Variants in SIRPB1 observed in about 807,000 individuals in gnomAD.
SIRPB1 encodes the protein signal-regulatory protein beta-1.
A neutral mutation model predicts 34.1 loss-of-function variants in SIRPB1; 28 were observed. That is an observed-to-expected ratio of 0.82 (90% CI 0.61 to 1.12). The LOEUF is 1.12. Among genes scored for constraint, SIRPB1 ranks in the 50% most tolerant of loss-of-function variants. The pLI is 0.00. For synonymous variants in SIRPB1, 211 were observed against 203.8 expected (o/e 1.04, Z -0.30); for missense variants, 499 against 507.0 (o/e 0.98, Z 0.15).
At chr20:1,572,086 A>G in intron 2 of SIRPB1, 49 bp from the exon 3 acceptor site, 5 of 1,612,336 alleles carry the variant, frequency 3.1e-6, no homozygotes, top group Non-Finnish European at 4.2e-6. Flanking sequence ...GATGACCATC[A>G]CTGATGATAA....
intron 1 of SIRPB1, among the ~76,000 whole-genome samples, chr20:1,618,493 G>C (rs1484531263): frequency 2.0e-5 from 3 of 152,216 alleles, no homozygotes; most frequent in Admixed American, 6.5e-5. Flanking sequence ...AGGATTAGTG[G>C]AGCTAAAACA....
intron 4 of SIRPB1, among the ~76,000 whole-genome samples, chr20:1,568,372 A>C (rs1277128441): frequency 6.6e-6 from 1 of 152,118 alleles, no homozygotes; most frequent in East Asian, 1.9e-4. Context: ...TAGACAACCT[A>C]AAATGCATTT....
At chr20:1,615,159 G>C (rs1183724063) in intron 1 of SIRPB1, among the ~76,000 whole-genome samples, 2 of 152,206 alleles carry the variant, frequency 1.3e-5, no homozygotes, top group East Asian at 3.8e-4. Context: ...AGGCCCTCCT[G>C]TTAGTGTCTT....
chr20:1,570,776 C>A (rs1446127151), intron 4 of SIRPB1, 29 bp downstream of exon 4: 1 of 1,533,226 alleles, frequency 6.5e-7, no homozygotes, highest in Non-Finnish European at 8.9e-7. Flanking sequence ...AAGAAAAAGA[C>A]AAAATTTAAA....
At chr20:1,566,073 A>G in intron 5 of SIRPB1, 80 bp downstream of exon 5, 2 of 831,940 alleles carry the variant, frequency 2.4e-6, no homozygotes, top group Non-Finnish European at 3.9e-6. Context: ...CTGAAGCTGC[A>G]TGGCATGTGA....
At chr20:1,570,311 C>G (rs1402386740) in intron 4 of SIRPB1, among the ~76,000 whole-genome samples, 1 of 152,202 alleles carries the variant, frequency 6.6e-6, no homozygotes, top group Non-Finnish European at 1.5e-5. Context: ...GGGGGTCTGT[C>G]CAGGCTTAAA....
chr20:1,578,517 T>C lies in SIRPB1; in HGVS notation c.254A>G (p.His85Arg). The change falls in exon 2 of 6, where the codon CAC becomes CGC. Residue 85 changes from histidine to arginine, a missense_variant. His to Arg is a conservative substitution (Grantham distance 29). Transcript: ENST00000381605. ...RELIYNQKEG[H>R]FPRVTTVSEL... ...TGAAACAGTTGTTACCCGTGGGAAG[T>C]GGCCTTCTTTCTGATTGTAGATTAA... 1.9e-6 allele frequency: 3 copies of C among 1,584,002 alleles called. 1 individual carries two copies. Among genetic ancestry groups the C allele is most frequent in the Non-Finnish European group, 2.6e-6 (3 of 1,157,660 alleles).
Position 1,605,012 on chromosome 20 carries a change from G to A in SIRPB1, c.76+14857C>T, listed in dbSNP as rs763977115. 6.6e-6 allele frequency: 4 copies of A among 609,560 alleles called. 1 individual carries two copies. The South Asian group carries it at 1.3e-4, about 20-fold the overall frequency. The allele number at this position is 609,560 out of a possible 1,614,324, so 37.8% of individuals were successfully genotyped here. A position where few individuals can be genotyped will look rare whatever the true frequency, so the allele number is the denominator to read the frequency against. ...CAGGTGAAGCTCACTGTGTGCTGAG[G>A]TGTGGCCCTCGCCGCAGGGCCCGAT... On this transcript the variant is annotated intron_variant, in intron 1 of 5. Coordinates refer to ENST00000381605, the MANE Select transcript of SIRPB1 (RefSeq NM_006065.5).
At position 1,619,815 on chromosome 20, in the gene SIRPB1, C is replaced by T. The variant is rs373338613; in HGVS notation, c.76+54G>A. The T allele has an allele frequency of 1.6e-3, 2,033 of 1,302,414 alleles. 3 individuals are homozygous for T. Among genetic ancestry groups the T allele is most frequent in the Non-Finnish European group, 2.1e-3 (1,874 of 909,532 alleles). 80.7% of individuals were successfully genotyped at this position (1,302,414 alleles called of 1,614,324 possible). A position where few individuals can be genotyped will look rare whatever the true frequency, so the allele number is the denominator to read the frequency against. ...TCCGGAATCCCTGAAAGTCCAGGGA[C>T]AGGCCATGGCTCAGTGGGCAGGAAA... On this transcript the variant is annotated intron_variant, in intron 1 of 5. Transcript: ENST00000381605.
chr20:1,614,839 G>A (rs1240914482), intron 1 of SIRPB1, among the ~76,000 whole-genome samples: 2 of 152,044 alleles, frequency 1.3e-5, no homozygotes, highest in Non-Finnish European at 2.9e-5. Context: ...TACTCTGATT[G>A]GCTCCACAAT....
chr20:1,566,084 G>T, intron 5 of SIRPB1, 69 bp downstream of exon 5: 1 of 941,204 alleles, frequency 1.1e-6, no homozygotes, highest in Non-Finnish European at 1.7e-6. Flanking sequence ...TGGCATGTGA[G>T]CTGGGCCCTC....
At position 1,572,039 on chromosome 20, in the gene SIRPB1, T is replaced by C. The variant is rs745519907; in HGVS notation, c.434-2A>G. On this transcript the variant is annotated splice_acceptor_variant, in intron 2 of 5. Coordinates refer to ENST00000381605, the MANE Select transcript of SIRPB1 (RefSeq NM_006065.5). LOFTEE classifies it high-confidence loss of function. Reference sequence around the variant, plus strand: ...ATACCACGGGGGCAGAGGGTTTGGCTACAAAAGGACCATCGATAATCAGGA... The same window carrying C: ...ATACCACGGGGGCAGAGGGTTTGGCCACAAAAGGACCATCGATAATCAGGA... The C allele has an allele frequency of 1.9e-6, 3 of 1,613,940 alleles. No homozygotes were observed. In the South Asian group the frequency reaches 3.3e-5, roughly 18 times the overall value.
At position 1,570,979 on chromosome 20, in the gene SIRPB1, T is replaced by C; in HGVS notation, c.910A>G (p.Asn304Asp). Residue 304 changes from asparagine (N) to aspartate (D), a missense_variant, in exon 4 of 6, where the codon AAC becomes GAC. Coordinates refer to ENST00000381605, the MANE Select transcript of SIRPB1 (RefSeq NM_006065.5). ...ATCCAGTTGTAGGTGCCATCCTTGT[T>C]CTCTATGAGGGTCGAAGCTGTTTCT... The part of the protein sequence containing the change: ...RTETASTLIE[N>D]KDGTYNWMSW... 6.2e-7 allele frequency: 1 copy of C among 1,614,158 alleles called. No individual in the cohort carries two copies. Among genetic ancestry groups the C allele is most frequent in the Non-Finnish European group, 8.5e-7 (1 of 1,180,018 alleles).
At chr20:1,611,044 G>A (rs73604182) in intron 1 of SIRPB1, among the ~76,000 whole-genome samples, 1 of 72,726 alleles carries the variant, frequency 1.4e-5, no homozygotes, top group African/African-American at 8.7e-5. Context: ...CTGTGCCTGG[G>A]CAAGTCACTC....
In SIRPB1 at chr20:1,566,136, C is replaced by G; in HGVS notation, c.*2+17G>C. The stretch of plus-strand genomic sequence containing the variant: ...TCTGGAGGAGCCCTTGGTCAGTCCT[C>G]CCTCTCCTAAACTTACAGTCAGGCC... On this transcript the variant is annotated intron_variant, in intron 5 of 5. Transcript: ENST00000381605. 6.5e-7 allele frequency: 1 copy of G among 1,545,842 alleles called. No individual in the cohort carries two copies. Among genetic ancestry groups the G allele is most frequent in the Non-Finnish European group, 8.9e-7 (1 of 1,128,536 alleles).
intron 1 of SIRPB1, among the ~76,000 whole-genome samples, chr20:1,599,351 G>A (rs71328072): frequency 0.17 from 8,466 of 48,884 alleles, 3,816 homozygotes; most frequent in Non-Finnish European, 0.25. Flanking sequence ...TGTCCCTTAG[G>A]ATGATTCCTG....
At position 1,566,199 on chromosome 20, in the gene SIRPB1, C is replaced by T. The variant is rs780252335; in HGVS notation, c.1153G>A (p.Val385Ile). Residue 385 changes from valine to isoleucine, a missense_variant, in exon 5 of 6, where the codon GTT (valine) becomes ATT (isoleucine). Coordinates refer to ENST00000381605, the MANE Select transcript of SIRPB1 (RefSeq NM_006065.5). Reference sequence around the variant, plus strand: ...CAGATGTAGATGGCAGAGACACCAACCACCAGTAGCAGCTTGGGGCCCAGG... The same window carrying T: ...CAGATGTAGATGGCAGAGACACCAATCACCAGTAGCAGCTTGGGGCCCAGG... ...LLLGPKLLLV[V>I]GVSAIYICWK... 2.5e-6 allele frequency: 4 copies of T among 1,612,414 alleles called. No individual in the cohort carries two copies. Among genetic ancestry groups the T allele is most frequent in the Non-Finnish European group, 3.4e-6 (4 of 1,179,386 alleles).
chr20:1,570,872 T>A lies in SIRPB1; in HGVS notation c.1017A>T (p.Ala339=). The stretch of plus-strand genomic sequence containing the variant: ...TCTCCAGGGCATAGCTTTTGCTGAC[T>A]GCTTGCTGCCCATCATGCTCCACCT... ...TCQVEHDGQQ[A]VSKSYALEIS... is the part of the protein sequence containing the mutation. The change falls in exon 4 of 6, where the codon GCA becomes GCT. Residue 339 remains alanine, a synonymous_variant. Transcript: ENST00000381605. 6.2e-7 allele frequency: 1 copy of A among 1,614,226 alleles called. No homozygotes were observed. The highest frequency in any genetic ancestry group is 1.6e-4 in the Middle Eastern group (1 of 6,062).
Position 1,564,836 on chromosome 20 carries a change from T to C in SIRPB1, c.*664A>G, listed in dbSNP as rs1394023484. 1 of 398,290 alleles carries C rather than the reference T, an allele frequency of 2.5e-6. No homozygotes were observed. Among genetic ancestry groups the C allele is most frequent in the African/African-American group, 2.1e-5 (1 of 48,596 alleles). The allele number at this position is 398,290 out of a possible 1,614,324, so 24.7% of individuals were successfully genotyped here. On this transcript the variant is annotated 3_prime_UTR_variant, in exon 6 of 6. Transcript: ENST00000381605. ...TTACCATCTCATGTAAGTGGACACATGCATTTTGGAGGCAGAACTGAATAT... is the reference window on the plus strand; with the variant it reads ...TTACCATCTCATGTAAGTGGACACACGCATTTTGGAGGCAGAACTGAATAT...
Sources: gnomAD v4.1 joint callset for allele counts (sites outside exome capture counted in the v4.1 genomes callset) on GRCh38, gnomAD v4.1.1 for gene constraint, MANE v1.5 for transcripts, NCBI Gene and HGNC (gene_info 2026-07-23, HGNC 2026-07-21) for gene names.